The following CEP120 variants were observed in gnomAD, a reference collection of about 807,000 sequenced individuals.
CEP120 encodes the protein centrosomal protein of 120 kDa.
Under a neutral mutation model 126.5 loss-of-function variants are expected in CEP120, and 113 were observed. That is an observed-to-expected ratio of 0.89 (90% CI 0.77 to 1.04). CEP120 has a LOEUF of 1.04. Ranked by LOEUF, CEP120 falls within the 50% of genes least tolerant of loss-of-function variation. CEP120 has a pLI of 0.00. For synonymous variants in CEP120, 400 were observed against 394.3 expected (o/e 1.01, Z -0.17); for missense variants, 1,230 against 1,155.7 (o/e 1.06, Z -0.93).
chr5:123,401,486 T>C (rs1176368775), intron 4 of CEP120: 3 of 1,261,674 alleles, frequency 2.4e-6, no homozygotes, highest in African/African-American at 2.9e-5. Flanking sequence ...CAGCTCCTCA[T>C]CCTTGATCTG....
chr5:123,394,366 A>G (rs921304148), intron 5 of CEP120, among the ~76,000 whole-genome samples: 11 of 152,208 alleles, frequency 7.2e-5, no homozygotes, highest in African/African-American at 2.4e-4. Context: ...ACCTCAGATC[A>G]TTAGGCATTG....
At chr5:123,422,179 G>C (rs34837495) in intron 1 of CEP120, among the ~76,000 whole-genome samples, 1 of 152,006 alleles carries the variant, frequency 6.6e-6, no homozygotes, top group African/African-American at 2.4e-5. Flanking sequence ...AGTGCTCCCT[G>C]CTCTTCTCTT....
chr5:123,423,421 C>A (rs920849749), upstream of CEP120: 25 of 214,842 alleles, frequency 1.2e-4, no homozygotes, highest in Non-Finnish European at 2.3e-4. Context: ...AGAGACAGAG[C>A]AGTCAAGGCT....
chr5:123,346,876 A>G, intron 19 of CEP120, 123 bp from the exon 20 acceptor site: 1 of 682,616 alleles, frequency 1.5e-6, no homozygotes, highest in Non-Finnish European at 2.2e-6. Context: ...AAGAAAACAA[A>G]CCAAAAAAAA....
intron 4 of CEP120, chr5:123,401,546 T>G: frequency 7.5e-7 from 1 of 1,326,688 alleles, no homozygotes; most frequent in Non-Finnish European, 1.1e-6. Context: ...CTCCTCGTAC[T>G]GTGCCTTGAC....
rs1372562778 is a variant in CEP120 at position 123,386,647 on chromosome 5, C to G, written c.1451G>C (p.Gly484Ala). 9.1e-7 allele frequency: 1 copy of G among 1,098,244 alleles called. No homozygotes were observed. Among genetic ancestry groups the G allele is most frequent in the Non-Finnish European group, 1.3e-6 (1 of 787,212 alleles). The allele number at this position is 1,098,244 out of a possible 1,614,324, so 68.0% of individuals were successfully genotyped here. The change falls in exon 10 of 20, where the codon GGA becomes GCA. Residue 484 changes from glycine (G) to alanine (A), a missense_variant. Coordinates refer to ENST00000306467, the MANE Select transcript of CEP120 (RefSeq NM_001375405.1). ...CILRYSYPFF[G>A]SAAPIMTNPP... ...ATTAGTCATAATAGGAGCTGCACTT[C>G]CAAAGAATGGATATGAGTACCTAGA...
chr5:123,372,659 G>A lies in CEP120; in HGVS notation c.2472C>T (p.Thr824=), dbSNP rs771000579. The A allele has an allele frequency of 1.9e-6, 3 of 1,612,036 alleles. No homozygotes were observed. The highest frequency in any genetic ancestry group is 2.5e-6 in the Non-Finnish European group (3 of 1,178,892). The part of the protein sequence containing the change: ...IRLQSEINLL[T]LEKVELERKL... ...AAATTAACATGTGTACCTTTTCCAA[G>A]GTGAGAAGATTTATTTCAGACTGTA... Residue 824 remains threonine, a synonymous_variant, in exon 17 of 20, where the codon ACC becomes ACT. Transcript: ENST00000306467.
chr5:123,358,367 TG>T, intron 18 of CEP120: 1 of 152,106 alleles, frequency 6.6e-6, no homozygotes, highest in African/African-American at 2.4e-5. Context: ...GAACCTTCTT[TG>T]AAATGTATAT....
At chr5:123,367,016 G>A (rs1045171769) in intron 17 of CEP120, among the ~76,000 whole-genome samples, 1 of 151,712 alleles carries the variant, frequency 6.6e-6, no homozygotes, top group African/African-American at 2.4e-5. Flanking sequence ...TCTACATGAA[G>A]CTGTCTTACA....
intron 18 of CEP120, among the ~76,000 whole-genome samples, chr5:123,360,129 C>T (rs988077743): frequency 6.6e-6 from 1 of 151,742 alleles, no homozygotes; most frequent in Non-Finnish European, 1.5e-5. Context: ...CAAGAAGTTG[C>T]ACAAACAATC....
At position 123,346,409 on chromosome 5, in the gene CEP120, T is replaced by C. The variant is rs1768817666; in HGVS notation, c.*110A>G. On this transcript the variant is annotated 3_prime_UTR_variant, in exon 20 of 20. Coordinates refer to ENST00000306467, the MANE Select transcript of CEP120 (RefSeq NM_001375405.1). ...ACAATAACATACAAAATTTTGCTTA[T>C]AAAAAATTGAAAATACCATTTTAAA... 7.5e-6 allele frequency: 6 copies of C among 797,936 alleles called. No homozygotes were observed. The highest frequency in any genetic ancestry group is 4.0e-5 in the South Asian group (2 of 49,874). 49.4% of individuals were successfully genotyped at this position (797,936 alleles called of 1,614,324 possible). A position where few individuals can be genotyped will look rare whatever the true frequency, so the allele number is the denominator to read the frequency against.
At chr5:123,381,519 T>C (rs1380590492) in intron 14 of CEP120, among the ~76,000 whole-genome samples, 1 of 152,128 alleles carries the variant, frequency 6.6e-6, no homozygotes, top group Non-Finnish European at 1.5e-5. Flanking sequence ...ATTTAATAAC[T>C]TCAGTGTAAA....
At chr5:123,398,500 T>A (rs1275574531) in intron 5 of CEP120, among the ~76,000 whole-genome samples, 1 of 152,148 alleles carries the variant, frequency 6.6e-6, no homozygotes, top group Non-Finnish European at 1.5e-5. Context: ...AGTGGCAGGT[T>A]CCCCAAATTC....
intron 18 of CEP120, among the ~76,000 whole-genome samples, chr5:123,356,395 G>C (rs1018053899): frequency 6.6e-6 from 1 of 152,046 alleles, no homozygotes. Flanking sequence ...TCGTGAAAAT[G>C]GCCATACTGC....
At chr5:123,418,611 T>C in intron 1 of CEP120, 96 bp from the exon 2 acceptor site, 1 of 1,126,912 alleles carries the variant, frequency 8.9e-7, no homozygotes, top group Non-Finnish European at 1.2e-6. Flanking sequence ...TTTTTTTTTT[T>C]TTTGAGATGG....
chr5:123,379,781 C>G (rs1416751891), intron 14 of CEP120, among the ~76,000 whole-genome samples: 2 of 152,082 alleles, frequency 1.3e-5, no homozygotes, highest in East Asian at 3.9e-4. Flanking sequence ...ATATAATTTT[C>G]TTAATGCAGA....
chr5:123,416,136 C>G lies in CEP120; in HGVS notation c.207-12G>C. 6.7e-7 allele frequency: 1 copy of G among 1,496,256 alleles called. No individual in the cohort carries two copies. The highest frequency in any genetic ancestry group is 9.2e-7 in the Non-Finnish European group (1 of 1,081,390). 92.7% of individuals were successfully genotyped at this position (1,496,256 alleles called of 1,614,324 possible). ...GAGTACGCTGTAGCCTATAACAAAA[C>G]ATGTGATAAATAAAATGGTTTTTGC... On this transcript the variant is annotated splice_polypyrimidine_tract_variant and intron_variant, in intron 2 of 19. Coordinates refer to ENST00000306467, the MANE Select transcript of CEP120 (RefSeq NM_001375405.1).
intron 5 of CEP120, 92 bp downstream of exon 5, chr5:123,399,044 C>T: frequency 1.1e-6 from 1 of 908,026 alleles, no homozygotes; most frequent in Non-Finnish European, 1.5e-6. Flanking sequence ...AAAAAAAAGT[C>T]TACTTGCAAG....
chr5:123,385,796 G>T (rs1369536103), intron 10 of CEP120, among the ~76,000 whole-genome samples: 1 of 151,808 alleles, frequency 6.6e-6, no homozygotes, highest in Non-Finnish European at 1.5e-5. Flanking sequence ...TAGAGACAGG[G>T]TTTCACCATT....
Sources: gnomAD v4.1 joint callset for allele counts (sites outside exome capture counted in the v4.1 genomes callset) on GRCh38, gnomAD v4.1.1 for gene constraint, MANE v1.5 for transcripts, NCBI Gene and HGNC (gene_info 2026-07-23, HGNC 2026-07-21) for gene names.